Variants in MNAT1 observed in about 807,000 individuals in gnomAD.
The protein encoded by MNAT1 is CDK-activating kinase assembly factor MAT1.
MNAT1 carries 43 observed loss-of-function variants against 42.0 expected under a neutral mutation model. The ratio of observed to expected loss-of-function variants is 1.02; its 90% CI spans 0.80 to 1.32. MNAT1 has a LOEUF of 1.32. MNAT1 is among the 40% of genes most tolerant of loss of function. MNAT1 has a pLI of 0.00. For synonymous variants in MNAT1, 118 were observed against 120.0 expected, an observed-to-expected ratio of 0.98 and a Z score of 0.11; for missense variants, 306 against 350.4, an observed-to-expected ratio of 0.87 and a Z score of 1.01.
At chr14:60,830,928 A>C (rs1466231513) in intron 6 of MNAT1, among the ~76,000 whole-genome samples, 1 of 151,908 alleles carries the variant, frequency 6.6e-6, no homozygotes, top group East Asian at 1.9e-4. Context: ...AACTTTCTTA[A>C]ACATACTCAA....
chr14:60,898,590 G>A (rs2035011229), intron 7 of MNAT1, among the ~76,000 whole-genome samples: 1 of 151,758 alleles, frequency 6.6e-6, no homozygotes, highest in South Asian at 2.1e-4. Context: ...CATATTCTTT[G>A]CCTACTTTTT....
chr14:60,736,298 T>G (rs914895368), intron 1 of MNAT1, among the ~76,000 whole-genome samples: 2 of 152,132 alleles, frequency 1.3e-5, no homozygotes, highest in African/African-American at 4.8e-5. Flanking sequence ...GAGTTTGTTT[T>G]TTTTTTTGGG....
At chr14:60,835,203 C>G (rs773652219) in intron 6 of MNAT1, among the ~76,000 whole-genome samples, 26 of 152,024 alleles carry the variant, frequency 1.7e-4, no homozygotes, top group Non-Finnish European at 3.1e-4. Flanking sequence ...ACTCTTTATC[C>G]AATTTGCCAG....
chr14:60,898,140 T>TGTGTGC (rs1328997127), intron 7 of MNAT1, among the ~76,000 whole-genome samples: 1 of 10,082 alleles, frequency 9.9e-5, no homozygotes, highest in African/African-American at 2.8e-4. Context: ...TGTGTGTGTG[T>TGTGTGC]GCGCGCGCCA....
intron 6 of MNAT1, among the ~76,000 whole-genome samples, chr14:60,868,260 C>G (rs1196338996): frequency 1.3e-5 from 2 of 152,232 alleles, no homozygotes; most frequent in African/African-American, 4.8e-5. Flanking sequence ...CATGCATACA[C>G]AGCACACATG....
At chr14:60,855,616 A>C (rs1302778429) in intron 6 of MNAT1, among the ~76,000 whole-genome samples, 3 of 151,430 alleles carry the variant, frequency 2.0e-5, no homozygotes, top group African/African-American at 7.3e-5. Context: ...GCTTCTGTTC[A>C]CCCTCCATGG....
chr14:60,881,554 G>A (rs191940308), intron 7 of MNAT1, among the ~76,000 whole-genome samples: 84 of 152,096 alleles, frequency 5.5e-4, no homozygotes, highest in East Asian at 5.0e-3. Context: ...TGTTCATAAA[G>A]GATATTGGCT....
intron 7 of MNAT1, among the ~76,000 whole-genome samples, chr14:60,949,799 A>G (rs2036348122): frequency 6.6e-6 from 1 of 152,018 alleles, no homozygotes; most frequent in African/African-American, 2.4e-5. Flanking sequence ...TTTTTTTTCT[A>G]AAGTGATGTT....
intron 7 of MNAT1, among the ~76,000 whole-genome samples, chr14:60,938,643 T>A (rs1259209098): frequency 2.0e-5 from 3 of 152,178 alleles, no homozygotes; most frequent in African/African-American, 4.8e-5. Flanking sequence ...CCAGTATTTT[T>A]TTGAGAATTT....
intron 7 of MNAT1, among the ~76,000 whole-genome samples, chr14:60,934,835 C>G (rs1173269411): frequency 6.6e-6 from 1 of 152,200 alleles, no homozygotes. Context: ...CTGTGGAAGG[C>G]AATTTCTCCC....
chr14:60,797,799 C>T (rs1178722917), intron 2 of MNAT1, among the ~76,000 whole-genome samples: 4 of 151,942 alleles, frequency 2.6e-5, no homozygotes, highest in Non-Finnish European at 5.9e-5. Context: ...TGGTGGTGTG[C>T]GCCTGTAATA....
At chr14:60,961,330 C>T (rs2036588652) in intron 7 of MNAT1, among the ~76,000 whole-genome samples, 1 of 152,200 alleles carries the variant, frequency 6.6e-6, no homozygotes. Flanking sequence ...AGTTTTTAAA[C>T]ATTTTCTATA....
At chr14:60,816,471 T>C (rs1295996317) in intron 5 of MNAT1, among the ~76,000 whole-genome samples, 1 of 152,120 alleles carries the variant, frequency 6.6e-6, no homozygotes, top group East Asian at 1.9e-4. Context: ...TTATTAGAAA[T>C]ATTGTTTGCC....
intron 1 of MNAT1, among the ~76,000 whole-genome samples, chr14:60,744,710 A>T (rs1896564286): frequency 6.6e-6 from 1 of 152,276 alleles, no homozygotes; most frequent in Middle Eastern, 3.4e-3. Context: ...TCAACCTCAC[A>T]TTTTTAATCC....
chr14:60,834,652 G>A (rs2033322499), intron 6 of MNAT1, among the ~76,000 whole-genome samples: 1 of 152,214 alleles, frequency 6.6e-6, no homozygotes, highest in Non-Finnish European at 1.5e-5. Context: ...GAGGTGGAGA[G>A]TTCTGTAGAT....
In MNAT1 at chr14:60,963,479, G is replaced by T. The variant is rs1350654196; in HGVS notation, c.810-4750G>T. On this transcript the variant is annotated intron_variant, in intron 7 of 7. Transcript: ENST00000261245. ...GGTTTTGCTTTTTAGTGATAGTTGT[G>T]TGAGCGCACTGTTGCTCTGGTTGTT... is the stretch of plus-strand genomic sequence containing the variant. Among the ~76,000 whole-genome samples, 4 of 152,294 alleles carry T rather than the reference G, an allele frequency of 2.6e-5. No individual in the cohort carries two copies. In the East Asian group the frequency reaches 7.7e-4, roughly 29 times the overall value.
chr14:60,929,162 A>ATATATATATATATAT (rs1422031735), intron 7 of MNAT1, among the ~76,000 whole-genome samples: 2 of 127,960 alleles, frequency 1.6e-5, no homozygotes, highest in African/African-American at 7.1e-5. Context: ...AAAAAAAAAA[A>ATATATATATATATAT]AAAAAAAAAT....
At chr14:60,931,543 T>C (rs537055884) in intron 7 of MNAT1, among the ~76,000 whole-genome samples, 1 of 152,312 alleles carries the variant, frequency 6.6e-6, no homozygotes, top group African/African-American at 2.4e-5. Flanking sequence ...TAAAAGATTC[T>C]GTGATAACAA....
At chr14:60,960,521 C>T (rs1166419764) in intron 7 of MNAT1, among the ~76,000 whole-genome samples, 4 of 152,144 alleles carry the variant, frequency 2.6e-5, no homozygotes, top group African/African-American at 9.7e-5. Flanking sequence ...ATCCAGCTAC[C>T]ATTCCTCATC....
Sources: allele counts gnomAD v4.1 joint callset (sites outside exome capture counted in the v4.1 genomes callset), GRCh38; gene constraint gnomAD v4.1.1; transcripts MANE v1.5; gene names NCBI Gene and HGNC (gene_info 2026-07-23, HGNC 2026-07-21).